IL4R: variants seen among roughly 807,000 people sequenced by gnomAD.
The protein encoded by IL4R is interleukin 4 receptor, also known as interleukin-4 receptor subunit alpha.
In IL4R, 17 loss-of-function variants were observed where a neutral mutation model predicts 41.5. That is an observed-to-expected ratio of 0.41 (90% CI 0.28 to 0.61). IL4R has a LOEUF of 0.61. Ranked by LOEUF, IL4R falls within the 20% of genes least tolerant of loss-of-function variation. IL4R has a pLI of 0.31. For synonymous variants in IL4R, 402 were observed against 422.9 expected (o/e 0.95, Z 0.61); for missense variants, 974 against 1,043.1 (o/e 0.93, Z 0.91).
At chr16:27,359,909 G>C (rs1010259515) in intron 9 of IL4R, 9 of 435,828 alleles carry the variant, frequency 2.1e-5, no homozygotes, top group Non-Finnish European at 4.2e-5. Context: ...TTGGGGCTGG[G>C]CTCAGCAGTG....
At chr16:27,329,593 C>T (rs1326768050) in intron 1 of IL4R, among the ~76,000 whole-genome samples, 1 of 150,746 alleles carries the variant, frequency 6.6e-6, no homozygotes, top group Non-Finnish European at 1.5e-5. Flanking sequence ...ACAAGAATCG[C>T]TTGAACCCGG....
rs2085914263 is a variant in IL4R at position 27,352,546 on chromosome 16, A to G, written c.520A>G (p.Ile174Val). The G allele has an allele frequency of 1.9e-6, 3 of 1,614,064 alleles. No homozygotes were observed. The highest frequency in any genetic ancestry group is 1.7e-5 in the Admixed American group (1 of 60,000). The change falls in exon 7 of 11, where the codon ATC (isoleucine) becomes GTC (valine). Residue 174 changes from isoleucine (I) to valine (V), a missense_variant. Coordinates refer to ENST00000395762, the MANE Select transcript of IL4R (RefSeq NM_000418.4). Reference protein sequence around the residue: ...WSENDPADFRIYNVTYLEPSL... With the variant: ...WSENDPADFRVYNVTYLEPSL... ...TCTCCCTTTTCTCTACCAGTTCAGA[A>G]TCTATAACGTGACCTACCTAGAACC...
intron 8 of IL4R, among the ~76,000 whole-genome samples, chr16:27,357,913 A>C (rs1398514501): frequency 3.7e-5 from 5 of 133,660 alleles, no homozygotes; most frequent in Admixed American, 3.0e-4. Context: ...TTTTTCTTTG[A>C]GATGGAGTCT....
intron 6 of IL4R, among the ~76,000 whole-genome samples, chr16:27,351,980 G>T (rs1223573712): frequency 6.6e-6 from 1 of 152,222 alleles, no homozygotes; most frequent in Non-Finnish European, 1.5e-5. Context: ...AGTGAGTTTG[G>T]ACTTGACCAT....
At chr16:27,342,367 G>C (rs2085471241) in intron 4 of IL4R, 108 bp downstream of exon 4, 1 of 1,334,938 alleles carries the variant, frequency 7.5e-7, no homozygotes, top group Non-Finnish European at 1.1e-6. Flanking sequence ...GCTGAGTATG[G>C]TTTGCTGCTG....
chr16:27,321,118 A>G (rs186539996), intron 1 of IL4R, among the ~76,000 whole-genome samples: 1 of 151,838 alleles, frequency 6.6e-6, no homozygotes, highest in East Asian at 1.9e-4. Flanking sequence ...TAATTTTTGT[A>G]TTTTTATTAG....
At position 27,363,968 on chromosome 16, in the gene IL4R, C is replaced by T. The variant is rs946678338; in HGVS notation, c.*138C>T. On this transcript the variant is annotated 3_prime_UTR_variant, in exon 11 of 11. Coordinates refer to ENST00000395762, the MANE Select transcript of IL4R (RefSeq NM_000418.4). The stretch of plus-strand genomic sequence containing the variant: ...GAACCATGGTATGAAGGTGATTGGC[C>T]CCACTGACGTTGGCCTAACACTGGG... 4.8e-6 allele frequency: 5 copies of T among 1,048,950 alleles called. No homozygotes were observed. Among genetic ancestry groups the T allele is most frequent in the Non-Finnish European group, 6.9e-6 (5 of 724,946 alleles). The allele number at this position is 1,048,950 out of a possible 1,614,324, so 65.0% of individuals were successfully genotyped here.
At chr16:27,346,811 C>T (rs3024575) in intron 6 of IL4R, among the ~76,000 whole-genome samples, 193 bp downstream of exon 6, 51,100 of 152,080 alleles carry the variant, frequency 0.34, 9,152 homozygotes, top group East Asian at 0.47. Flanking sequence ...GGCCCCCCAC[C>T]CCTCACATCA....
intron 2 of IL4R, among the ~76,000 whole-genome samples, chr16:27,332,673 T>C (rs886321548): frequency 6.6e-6 from 1 of 152,090 alleles, no homozygotes. Flanking sequence ...TTTAATTTCA[T>C]TGATGTATGC....
intron 6 of IL4R, among the ~76,000 whole-genome samples, chr16:27,350,043 A>G (rs2085807677): frequency 6.6e-6 from 1 of 152,072 alleles, no homozygotes; most frequent in Non-Finnish European, 1.5e-5. Flanking sequence ...GAGCCACCGC[A>G]TCCAGCCCAG....
chr16:27,362,564 C>G lies in IL4R; in HGVS notation c.1212C>G (p.Ala404=). The G allele has an allele frequency of 6.2e-7, 1 of 1,614,152 alleles. No individual in the cohort carries two copies. Among genetic ancestry groups the G allele is most frequent in the South Asian group, 1.1e-5 (1 of 91,082 alleles). Residue 404 remains alanine, a synonymous_variant, in exon 11 of 11, where the codon GCC becomes GCG. Transcript: ENST00000395762. The stretch of plus-strand genomic sequence containing the variant: ...AGGAGGGAAGGGAGGGCATTGTGGC[C>G]CGGCTAACAGAGAGCCTGTTCCTGG... The part of the protein sequence containing the change: ...DFQEGREGIV[A]RLTESLFLDL...
chr16:27,343,320 C>T (rs1490004965), intron 4 of IL4R, among the ~76,000 whole-genome samples: 3 of 152,348 alleles, frequency 2.0e-5, no homozygotes, highest in East Asian at 1.9e-4. Flanking sequence ...GAGCCAAATC[C>T]GGCCCACTGC....
At chr16:27,355,763 G>A in intron 7 of IL4R, 45 bp from the exon 8 acceptor site, 2 of 1,386,322 alleles carry the variant, frequency 1.4e-6, no homozygotes, top group Non-Finnish European at 1.0e-6. Flanking sequence ...AGCCCAGGCT[G>A]TACCATGGCT....
At chr16:27,341,214 G>A in intron 3 of IL4R, 1 of 688,466 alleles carries the variant, frequency 1.5e-6, no homozygotes, top group Non-Finnish European at 2.7e-6. Context: ...GAAAGACAGA[G>A]AAAGAGAAGT....
chr16:27,346,410 C>G (rs1466039967), intron 5 of IL4R, 57 bp from the exon 6 acceptor site: 5 of 1,592,902 alleles, frequency 3.1e-6, no homozygotes, highest in African/African-American at 1.3e-5. Context: ...CGGGGCTGGG[C>G]TGGGTGATGG....
rs2141228241 is a variant in IL4R at position 27,363,203 on chromosome 16, A to G, written c.1851A>G (p.Pro617=). The G allele has an allele frequency of 4.3e-6, 7 of 1,609,904 alleles. No individual in the cohort carries two copies. The highest frequency in any genetic ancestry group is 5.9e-6 in the Non-Finnish European group (7 of 1,177,574). Reference sequence around the variant, plus strand: ...TGCTTGCCAGCAGTGCTGTGTCCCCAGAGAAATGTGGGTTTGGGGCTAGCA... The same window carrying G: ...TGCTTGCCAGCAGTGCTGTGTCCCCGGAGAAATGTGGGTTTGGGGCTAGCA... ...SSLLASSAVS[P]EKCGFGASSG... is the part of the protein sequence containing the mutation. The change falls in exon 11 of 11, where the codon CCA becomes CCG. Residue 617 remains proline, a synonymous_variant. Coordinates refer to ENST00000395762, the MANE Select transcript of IL4R (RefSeq NM_000418.4).
intron 9 of IL4R, among the ~76,000 whole-genome samples, chr16:27,360,258 C>T (rs1177214668): frequency 6.6e-6 from 1 of 152,236 alleles, no homozygotes; most frequent in Non-Finnish European, 1.5e-5. Context: ...AGGTGATCCA[C>T]CCACTTCAGC....
intron 2 of IL4R, among the ~76,000 whole-genome samples, chr16:27,331,630 A>C (rs2085113989): frequency 6.6e-6 from 1 of 152,096 alleles, no homozygotes. Context: ...ACATGACAGC[A>C]GTATTCCTTC....
chr16:27,358,927 A>T lies in IL4R; in HGVS notation c.782A>T (p.Glu261Val). 6.2e-7 allele frequency: 1 copy of T among 1,613,712 alleles called. No homozygotes were observed. The highest frequency in any genetic ancestry group is 8.5e-7 in the Non-Finnish European group (1 of 1,179,568). ...CYVSITKIKK[E>V]WWDQIPNPAR... is the part of the protein sequence containing the mutation. Reference sequence around the variant, plus strand: ...CTTTTGTTTTTCAGGATTAAGAAAGAATGGTGGGATCAGATTCCCAACCCA... The same window carrying T: ...CTTTTGTTTTTCAGGATTAAGAAAGTATGGTGGGATCAGATTCCCAACCCA... The change falls in exon 9 of 11, where the codon GAA becomes GTA. Residue 261 changes from glutamate (E) to valine (V), a missense_variant. Physicochemically the swap from Glu to Val is moderately radical, Grantham distance 121 (BLOSUM62 -2). Coordinates refer to ENST00000395762, the MANE Select transcript of IL4R (RefSeq NM_000418.4).
Sources: gnomAD v4.1 joint callset for allele counts (sites outside exome capture counted in the v4.1 genomes callset) on GRCh38, gnomAD v4.1.1 for gene constraint, MANE v1.5 for transcripts, NCBI Gene and HGNC (gene_info 2026-07-23, HGNC 2026-07-21) for gene names.